Variants in RALYL observed in about 807,000 individuals in gnomAD.
RALYL encodes the protein RNA-binding Raly-like protein.
In RALYL, 29 loss-of-function variants were observed where a neutral mutation model predicts 35.1. The ratio of observed to expected loss-of-function variants is 0.83; its 90% confidence interval spans 0.61 to 1.13. The LOEUF (loss-of-function observed/expected upper bound fraction) is 1.13, where lower values mean the gene tolerates loss of function less well. Among genes scored for constraint, RALYL ranks in the 50% most tolerant of loss-of-function variants. The pLI is 0.00. For missense variants in RALYL, 359 were observed against 360.4 expected (o/e 1.00, Z 0.03); for synonymous variants, 120 against 127.6 (o/e 0.94, Z 0.40).
At chr8:84,292,369 A>T (rs1838922210) in intron 1 of RALYL, among the ~76,000 whole-genome samples, 1 of 152,262 alleles carries the variant, frequency 6.6e-6, no homozygotes, top group East Asian at 1.9e-4. Context: ...TCTTTAACCT[A>T]CGTTAGATTA....
intron 1 of RALYL, among the ~76,000 whole-genome samples, chr8:84,271,627 G>C (rs1225647091): frequency 6.6e-6 from 1 of 151,716 alleles, no homozygotes; most frequent in Non-Finnish European, 1.5e-5. Context: ...AATAAATATG[G>C]TGTATCCATA....
At chr8:84,225,522 C>T (rs1823655822) in intron 1 of RALYL, among the ~76,000 whole-genome samples, 2 of 152,168 alleles carry the variant, frequency 1.3e-5, no homozygotes, top group Non-Finnish European at 2.9e-5. Flanking sequence ...ACATTTCAGT[C>T]ACACAGTCTT....
chr8:84,780,112 A>G (rs1380342793), intron 3 of RALYL, among the ~76,000 whole-genome samples: 1 of 152,094 alleles, frequency 6.6e-6, no homozygotes, highest in East Asian at 1.9e-4. Flanking sequence ...TATTTCCATT[A>G]TCATTATCTC....
intron 1 of RALYL, among the ~76,000 whole-genome samples, chr8:84,230,993 G>A (rs7014531): frequency 0.67 from 102,062 of 152,060 alleles, 34,365 homozygotes; most frequent in East Asian, 0.74. Context: ...ACACTCTTTT[G>A]GATATTAGGG....
intron 3 of RALYL, among the ~76,000 whole-genome samples, chr8:84,786,695 ATTTG>A (rs1819556077): frequency 6.6e-6 from 1 of 151,932 alleles, no homozygotes; most frequent in Non-Finnish European, 1.5e-5. Context: ...TTTCTTGTAA[ATTTG>A]TTTAAGTTCC....
chr8:84,501,835 A>G (rs1248554470), intron 1 of RALYL, among the ~76,000 whole-genome samples: 1 of 149,570 alleles, frequency 6.7e-6, no homozygotes, highest in Non-Finnish European at 1.5e-5. Flanking sequence ...ATTAATAAAT[A>G]ATATAGATCC....
chr8:84,283,988 A>C (rs1052301098), intron 1 of RALYL, among the ~76,000 whole-genome samples: 1 of 152,182 alleles, frequency 6.6e-6, no homozygotes, highest in Non-Finnish European at 1.5e-5. Context: ...ATTGTAGAAC[A>C]GTAAATTAAG....
At chr8:84,799,849 G>T (rs560797134) in intron 3 of RALYL, among the ~76,000 whole-genome samples, 1 of 152,146 alleles carries the variant, frequency 6.6e-6, no homozygotes, top group African/African-American at 2.4e-5. Flanking sequence ...CCAGCTACTC[G>T]GGAGGCTGAG....
At chr8:84,835,052 C>T (rs1831679502) in intron 4 of RALYL, among the ~76,000 whole-genome samples, 1 of 152,066 alleles carries the variant, frequency 6.6e-6, no homozygotes, top group African/African-American at 2.4e-5. Context: ...TCATAGTCTA[C>T]AGGATTTTGA....
At chr8:84,255,496 G>T (rs1182631076) in intron 1 of RALYL, among the ~76,000 whole-genome samples, 2 of 152,106 alleles carry the variant, frequency 1.3e-5, no homozygotes, top group Non-Finnish European at 2.9e-5. Flanking sequence ...AAAAGAACCT[G>T]TTTTAACTGG....
chr8:84,491,173 G>T (rs1051776188), intron 1 of RALYL, among the ~76,000 whole-genome samples: 3 of 151,892 alleles, frequency 2.0e-5, no homozygotes, highest in Admixed American at 2.0e-4. Context: ...AAATCTTTTT[G>T]TTGACTATCT....
chr8:84,817,531 TTTATTATTATTA>T (rs59809592), intron 4 of RALYL, among the ~76,000 whole-genome samples: 16 of 147,482 alleles, frequency 1.1e-4, no homozygotes, highest in South Asian at 4.3e-4. Flanking sequence ...TAACTAATCT[TTTATTATTATTA>T]TTATTATTAT....
intron 1 of RALYL, among the ~76,000 whole-genome samples, chr8:84,503,759 G>A (rs1384482785): frequency 6.7e-5 from 10 of 150,352 alleles, no homozygotes. Flanking sequence ...TGAGGCAGGA[G>A]AATCGGCTTG....
intron 2 of RALYL, among the ~76,000 whole-genome samples, chr8:84,597,718 A>C (rs1051353607): frequency 6.6e-6 from 1 of 152,200 alleles, no homozygotes. Flanking sequence ...TTTGTGACAC[A>C]TCAAAATGAC....
At chr8:84,622,762 G>T (rs1477404893) in intron 2 of RALYL, among the ~76,000 whole-genome samples, 1 of 152,084 alleles carries the variant, frequency 6.6e-6, no homozygotes, top group East Asian at 1.9e-4. Flanking sequence ...AGCCCATGTA[G>T]AAAATAATGG....
chr8:84,407,413 G>T (rs923030346), intron 1 of RALYL, among the ~76,000 whole-genome samples: 1 of 152,052 alleles, frequency 6.6e-6, no homozygotes, highest in African/African-American at 2.4e-5. Context: ...CAAAAGTAGA[G>T]ACAATGAGTG....
intron 1 of RALYL, among the ~76,000 whole-genome samples, chr8:84,223,217 CCT>C (rs1822944288): frequency 1.5e-4 from 8 of 53,198 alleles, no homozygotes; most frequent in Non-Finnish European, 3.4e-4. Flanking sequence ...TCCTCCCTTC[CCT>C]TCCCTTCCCT....
At chr8:84,504,873 A>T (rs1202534267) in intron 1 of RALYL, among the ~76,000 whole-genome samples, 1 of 152,176 alleles carries the variant, frequency 6.6e-6, no homozygotes, top group Non-Finnish European at 1.5e-5. Context: ...TTCAGTATGT[A>T]TACTCTTGGC....
At chr8:84,603,274 T>C (rs895685842) in intron 2 of RALYL, among the ~76,000 whole-genome samples, 12 of 152,116 alleles carry the variant, frequency 7.9e-5, no homozygotes, top group Non-Finnish European at 1.6e-4. Context: ...ACACACTGAC[T>C]ATTGCTTCTT....
Sources: allele counts gnomAD v4.1 joint callset (sites outside exome capture counted in the v4.1 genomes callset), GRCh38; gene constraint gnomAD v4.1.1; transcripts MANE v1.5; gene names NCBI Gene and HGNC (gene_info 2026-07-23, HGNC 2026-07-21).